The following HNF4A variants were observed in gnomAD, a reference collection of about 807,000 sequenced individuals.
HNF4A encodes hepatocyte nuclear factor 4 alpha.
HNF4A carries 15 observed loss-of-function variants against 52.4 expected under a neutral mutation model. The ratio of observed to expected loss-of-function variants is 0.29; its 90% confidence interval spans 0.19 to 0.44. HNF4A has a LOEUF of 0.44. Among genes scored for constraint, HNF4A ranks in the 20% least tolerant of loss-of-function variants. The pLI, the probability that HNF4A is intolerant of heterozygous loss-of-function variation, is 1.00. For missense variants in HNF4A, 479 were observed against 647.2 expected, an observed-to-expected ratio of 0.74 and a Z score of 2.82; for synonymous variants, 280 against 264.4, an observed-to-expected ratio of 1.06 and a Z score of -0.57.
At chr20:44,428,906 A>T (rs1175813001) in intron 9 of HNF4A, among the ~76,000 whole-genome samples, 2 of 152,230 alleles carry the variant, frequency 1.3e-5, no homozygotes, top group African/African-American at 4.8e-5. Context: ...TCCAAAGTAT[A>T]AACTTGTCAT....
upstream of HNF4A, among the ~76,000 whole-genome samples, chr20:44,400,739 C>G (rs2063396484): frequency 6.6e-6 from 1 of 152,118 alleles, no homozygotes; most frequent in African/African-American, 2.4e-5. Flanking sequence ...CCCAGGGGAA[C>G]CGGGAAACTG....
chr20:44,417,719 TC>T (rs1417707099), intron 5 of HNF4A, among the ~76,000 whole-genome samples: 1 of 152,104 alleles, frequency 6.6e-6, no homozygotes, highest in Non-Finnish European at 1.5e-5. Context: ...ACACCTGTAA[TC>T]TCAGCACTTT....
rs753307309 is a variant in HNF4A at position 44,402,523 on chromosome 20, A to G, written c.115+1036A>G. ...TTGCCACTCACCAAGTGAGATTCAT[A>G]TCAGCAACATGTCCGTTTGTCTCTG... On this transcript the variant is annotated intron_variant, in intron 1 of 9. Coordinates refer to ENST00000316099, the MANE Select transcript of HNF4A (RefSeq NM_000457.6). 1.1e-4 allele frequency: 150 copies of G among 1,338,084 alleles called. 1 individual carries two copies. The highest frequency in any genetic ancestry group is 1.1e-3 in the Middle Eastern group (5 of 4,712). The allele number at this position is 1,338,084 out of a possible 1,614,324, so 82.9% of individuals were successfully genotyped here.
chr20:44,414,407 CT>C lies in HNF4A; in HGVS notation c.493-99del, dbSNP rs1400449278. 2.1e-5 allele frequency: 33 copies of C among 1,561,200 alleles called. No individual in the cohort carries two copies. The Admixed American group carries it at 5.5e-4, about 26-fold the overall frequency. On this transcript the variant is annotated intron_variant, in intron 4 of 9. Coordinates refer to ENST00000316099, the MANE Select transcript of HNF4A (RefSeq NM_000457.6). ...TGGAGGGCACCCACTATCCAGCCCC[CT>C]CCCCACATCTGATTCCAGGGAGGGG...
chr20:44,414,534 G>T lies in HNF4A; in HGVS notation c.520G>T (p.Gly174Cys). The T allele has an allele frequency of 6.2e-7, 1 of 1,614,204 alleles. No homozygotes were observed. Among genetic ancestry groups the T allele is most frequent in the Non-Finnish European group, 8.5e-7 (1 of 1,180,034 alleles). Residue 174 changes from glycine (G) to cysteine (C), a missense_variant, in exon 5 of 10, where the codon GGC becomes TGC. Gly to Cys is a radical substitution (Grantham distance 159, BLOSUM62 -3). Around this residue, in one of 3 missense-constraint regions of HNF4A, gnomAD observed 389 missense variants for 525.1 expected, o/e 0.74. Transcript: ENST00000316099. ...CACCTCCCCCGTCTCCGGGATCAACGGCGACATTCGGGCGAAGAAGATTGC... is the reference window on the plus strand; with the variant it reads ...CACCTCCCCCGTCTCCGGGATCAACTGCGACATTCGGGCGAAGAAGATTGC...
At chr20:44,371,199 A>C (rs6031559) in intron 1 of HNF4A, among the ~76,000 whole-genome samples, 4,833 of 152,306 alleles carry the variant, frequency 0.032, 273 homozygotes, top group African/African-American at 0.11. Context: ...CAGGTACTTG[A>C]CATTTGTAGG....
chr20:44,359,669 C>G (rs2062896473), intron 1 of HNF4A, among the ~76,000 whole-genome samples: 1 of 152,212 alleles, frequency 6.6e-6, no homozygotes. Context: ...GGATGTTAAG[C>G]AGCATCCCTG....
intron 9 of HNF4A, among the ~76,000 whole-genome samples, chr20:44,428,950 T>A (rs1290398990): frequency 1.3e-5 from 2 of 152,182 alleles, no homozygotes; most frequent in African/African-American, 4.8e-5. Flanking sequence ...AGATTATCAA[T>A]GGGATGAAGT....
rs11450239 is a variant in HNF4A, at chr20:44,432,344, C to CTTTTTTTTTTTTTTTT, written c.*2688_*2703dup. The CTTTTTTTTTTTTTTTT allele has an allele frequency of 2.0e-4, 12 of 58,976 alleles. No individual in the cohort carries two copies. Among genetic ancestry groups the CTTTTTTTTTTTTTTTT allele is most frequent in the Admixed American group, 2.9e-4 (1 of 3,490 alleles). 3.7% of individuals were successfully genotyped at this position (58,976 alleles called of 1,614,324 possible). On this transcript the variant is annotated 3_prime_UTR_variant, in exon 10 of 10. Transcript: ENST00000316099. ...ATGATATTAGAAAATCTCTCGCTCT[C>CTTTTTTTTTTTTTTTT]TTTTTTTTTTTTTTTTTTTTTTTTG... is the stretch of plus-strand genomic sequence containing the variant.
chr20:44,409,426 A>G lies in HNF4A; in HGVS notation c.385+1951A>G, dbSNP rs113552597. On this transcript the variant is annotated intron_variant, in intron 3 of 9. Coordinates refer to ENST00000316099, the MANE Select transcript of HNF4A (RefSeq NM_000457.6). ...TGTGGTTGTATTAGTCAGTGATTCC[A>G]TTATCCCAAAAGCCTAAGATTTTAG... 4.2e-3 allele frequency among the ~76,000 whole-genome samples: 640 copies of G among 152,330 alleles called. 4 individuals carry two copies. Among genetic ancestry groups the G allele is most frequent in the African/African-American group, 0.015 (604 of 41,566 alleles).
At position 44,406,259 on chromosome 20, in the gene HNF4A, G is replaced by A. The variant is rs375428043; in HGVS notation, c.290+27G>A. ...TGAGGAGCCTCAATTTCTTCAGCTG[G>A]GAAATGGGCACACTTGGGCTCATGG... On this transcript the variant is annotated intron_variant, in intron 2 of 9. Coordinates refer to ENST00000316099, the MANE Select transcript of HNF4A (RefSeq NM_000457.6). The A allele has an allele frequency of 5.6e-4, 897 of 1,605,756 alleles. 3 individuals carry two copies. The highest frequency in any genetic ancestry group is 7.2e-4 in the Non-Finnish European group (845 of 1,175,708).
At chr20:44,401,107 A>C (rs893549777), upstream of HNF4A, 16 of 650,438 alleles carry the variant, frequency 2.5e-5, no homozygotes, top group African/African-American at 3.0e-4. Context: ...GTCAGCCAGA[A>C]ACCAACAAAC....
At chr20:44,390,743 C>T in intron 1 of HNF4A, 1 of 687,318 alleles carries the variant, frequency 1.5e-6, no homozygotes, top group Non-Finnish European at 2.6e-6. Context: ...AGACACAGAA[C>T]CAAGGGGGAG....
chr20:44,404,656 A>C (rs1007136207), intron 1 of HNF4A, among the ~76,000 whole-genome samples: 9 of 146,734 alleles, frequency 6.1e-5, no homozygotes, highest in African/African-American at 1.5e-4. Flanking sequence ...ATGTATGTGG[A>C]CTGTGTGCAT....
At chr20:44,369,970 C>T (rs1322259667) in intron 1 of HNF4A, among the ~76,000 whole-genome samples, 3 of 152,128 alleles carry the variant, frequency 2.0e-5, no homozygotes, top group Non-Finnish European at 4.4e-5. Context: ...GTCTGATGGT[C>T]TCTCGTCTTT....
At chr20:44,408,340 ACTGT>A (rs1323612656) in intron 3 of HNF4A, 3 of 154,100 alleles carry the variant, frequency 1.9e-5, no homozygotes, top group South Asian at 2.0e-4. Flanking sequence ...ACACTTCAGC[ACTGT>A]CTATTATTTT....
chr20:44,370,318 C>T (rs1418759129), intron 1 of HNF4A, among the ~76,000 whole-genome samples: 4 of 152,218 alleles, frequency 2.6e-5, no homozygotes, highest in Non-Finnish European at 5.9e-5. Context: ...TGAGCCACAA[C>T]GCCCAGCCAC....
intron 1 of HNF4A, among the ~76,000 whole-genome samples, chr20:44,363,735 G>A (rs1444086408): frequency 4.7e-5 from 6 of 128,514 alleles, no homozygotes; most frequent in African/African-American, 1.8e-4. Context: ...TTTTGAGACA[G>A]AGTCTCAATG....
chr20:44,423,430 C>A (rs982877493), intron 7 of HNF4A, among the ~76,000 whole-genome samples: 2 of 152,124 alleles, frequency 1.3e-5, no homozygotes, highest in African/African-American at 4.8e-5. Flanking sequence ...GATGGAGGGG[C>A]CGCAGAGATT....
Sources: gnomAD v4.1 joint callset for allele counts (sites outside exome capture counted in the v4.1 genomes callset) on GRCh38, gnomAD v4.1.1 for gene constraint, gnomAD v4.1.1 regional missense constraint, MANE v1.5 for transcripts, NCBI Gene and HGNC (gene_info 2026-07-23, HGNC 2026-07-21) for gene names.